NOVA1: variants seen among roughly 807,000 people sequenced by gnomAD.
NOVA1 encodes RNA-binding protein Nova-1.
A neutral mutation model predicts 38.0 loss-of-function variants in NOVA1; 7 were observed. The observed-to-expected ratio is 0.18, with a 90% CI of 0.10 to 0.35. The LOEUF is 0.35. Ranked by LOEUF, NOVA1 falls within the 10% of genes least tolerant of loss-of-function variation. The pLI is 1.00. For missense variants in NOVA1, 460 were observed against 616.0 expected (o/e 0.75, Z 2.68); for synonymous variants, 270 against 232.5 (o/e 1.16, Z -1.47).
rs1594406411 is a variant in NOVA1, at chr14:26,497,731, C to T, written c.281-17588G>A. On this transcript the variant is annotated intron_variant, in intron 2 of 4. Transcript: ENST00000539517. ...ATGCATGGAAAAAGATTCAAATGAACTGATTTCCTGAACTAGTCAAGTAAG... is the reference window on the plus strand; with the variant it reads ...ATGCATGGAAAAAGATTCAAATGAATTGATTTCCTGAACTAGTCAAGTAAG... Among the ~76,000 whole-genome samples, 4 of 152,130 alleles carry T rather than the reference C, an allele frequency of 2.6e-5. No individual in the cohort carries two copies. In the South Asian group the frequency reaches 8.3e-4, roughly 32 times the overall value.
At chr14:26,574,389 T>A (rs928480569) in intron 2 of NOVA1, among the ~76,000 whole-genome samples, 2 of 151,436 alleles carry the variant, frequency 1.3e-5, no homozygotes, top group South Asian at 4.2e-4. Flanking sequence ...ATCATAAAAT[T>A]GGGAAAAATA....
chr14:26,508,485 T>C (rs905616536), intron 2 of NOVA1, among the ~76,000 whole-genome samples: 59 of 151,774 alleles, frequency 3.9e-4, no homozygotes, highest in African/African-American at 1.3e-3. Flanking sequence ...TATGTAGGAA[T>C]AGAACAACCC....
intron 2 of NOVA1, chr14:26,549,730 G>T: frequency 1.6e-6 from 2 of 1,289,084 alleles, no homozygotes; most frequent in South Asian, 2.5e-5. Flanking sequence ...GCACAGTGGA[G>T]AAATACCTTC....
At position 26,480,474 on chromosome 14, in the gene NOVA1, G is replaced by A. The variant is rs1213079374; in HGVS notation, c.281-331C>T. ...AGGGTTAGAAACTGGTAACATGCCAGTAAAGATCTATAAACCCAGTTTTCA... is the reference window on the plus strand; with the variant it reads ...AGGGTTAGAAACTGGTAACATGCCAATAAAGATCTATAAACCCAGTTTTCA... On this transcript the variant is annotated intron_variant, in intron 2 of 4. Coordinates refer to ENST00000539517, the MANE Select transcript of NOVA1 (RefSeq NM_002515.3). Among the ~76,000 whole-genome samples the A allele has an allele frequency of 2.0e-5, 3 of 152,008 alleles. No homozygotes were observed. In the East Asian group the frequency reaches 5.8e-4, roughly 29 times the overall value.
chr14:26,561,200 C>T (rs928908249), intron 2 of NOVA1, among the ~76,000 whole-genome samples: 4 of 152,118 alleles, frequency 2.6e-5, no homozygotes, highest in South Asian at 2.1e-4. Context: ...GCTGTGTGGC[C>T]CAGTTCTTAG....
intron 2 of NOVA1, among the ~76,000 whole-genome samples, chr14:26,591,657 A>T (rs909128145): frequency 6.6e-6 from 1 of 151,618 alleles, no homozygotes; most frequent in African/African-American, 2.4e-5. Context: ...TTTGCAAAAA[A>T]TTATCATAAT....
At chr14:26,566,604 C>T (rs1354907891) in intron 2 of NOVA1, among the ~76,000 whole-genome samples, 1 of 151,830 alleles carries the variant, frequency 6.6e-6, no homozygotes, top group Admixed American at 6.6e-5. Context: ...ATTAGCCTAC[C>T]TCTCAACTAA....
chr14:26,562,921 C>T (rs1023791706), intron 2 of NOVA1, among the ~76,000 whole-genome samples: 1 of 152,154 alleles, frequency 6.6e-6, no homozygotes. Context: ...TGGACAGAAG[C>T]GGTTCCTAAA....
intron 2 of NOVA1, among the ~76,000 whole-genome samples, chr14:26,584,633 C>T (rs1350286414): frequency 2.6e-5 from 4 of 151,318 alleles, no homozygotes; most frequent in African/African-American, 9.7e-5. Flanking sequence ...CAATCAATAC[C>T]AAACTACTTT....
chr14:26,480,620 G>T (rs1314545139), intron 2 of NOVA1, among the ~76,000 whole-genome samples: 1 of 151,854 alleles, frequency 6.6e-6, no homozygotes, highest in African/African-American at 2.4e-5. Flanking sequence ...CACTTACCAC[G>T]CTCTTCCTTT....
intron 2 of NOVA1, among the ~76,000 whole-genome samples, chr14:26,559,538 A>G (rs925855657): frequency 5.3e-5 from 8 of 152,200 alleles, no homozygotes; most frequent in Admixed American, 2.0e-4. Flanking sequence ...CCACATACAC[A>G]TGGAAGTTTA....
chr14:26,476,931 T>A (rs1338268241), intron 3 of NOVA1, among the ~76,000 whole-genome samples: 1 of 151,684 alleles, frequency 6.6e-6, no homozygotes, highest in African/African-American at 2.4e-5. Context: ...GTCAGGCTGG[T>A]CTCAAACTCC....
intron 2 of NOVA1, among the ~76,000 whole-genome samples, chr14:26,587,139 G>T (rs1339070500): frequency 6.6e-6 from 1 of 150,552 alleles, no homozygotes; most frequent in Non-Finnish European, 1.5e-5. Flanking sequence ...TAATCTCTTG[G>T]TACCTTGGTT....
chr14:26,469,572 C>T (rs1696823374), intron 4 of NOVA1, among the ~76,000 whole-genome samples: 1 of 152,082 alleles, frequency 6.6e-6, no homozygotes, highest in Admixed American at 6.6e-5. Flanking sequence ...TATGTCAATC[C>T]TATGAGGCAA....
intron 3 of NOVA1, among the ~76,000 whole-genome samples, chr14:26,476,685 T>C (rs970863534): frequency 1.3e-5 from 2 of 152,096 alleles, no homozygotes; most frequent in African/African-American, 4.8e-5. Flanking sequence ...CTGACCTGTA[T>C]TTCTTTTACA....
intron 2 of NOVA1, among the ~76,000 whole-genome samples, chr14:26,484,250 C>T (rs1460039903): frequency 1.3e-5 from 2 of 151,144 alleles, no homozygotes; most frequent in African/African-American, 2.4e-5. Flanking sequence ...CTGGCTAACA[C>T]GGTGAAACCC....
At chr14:26,491,531 A>G (rs1886347791) in intron 2 of NOVA1, among the ~76,000 whole-genome samples, 1 of 152,162 alleles carries the variant, frequency 6.6e-6, no homozygotes, top group African/African-American at 2.4e-5. Context: ...ATCCAAGGTC[A>G]TGGAGAACTA....
At chr14:26,534,929 GCCTCCAAA>G (rs1889965112) in intron 2 of NOVA1, among the ~76,000 whole-genome samples, 1 of 152,148 alleles carries the variant, frequency 6.6e-6, no homozygotes, top group South Asian at 2.1e-4. Flanking sequence ...CTTCCCTAGT[GCCTCCAAA>G]GGAACCAGAC....
chr14:26,544,460 T>C (rs1474099685), intron 2 of NOVA1, among the ~76,000 whole-genome samples: 4 of 150,074 alleles, frequency 2.7e-5, no homozygotes, highest in Non-Finnish European at 4.4e-5. Flanking sequence ...GTGAGGAGGG[T>C]GAAAACATAA....
Sources: gnomAD v4.1 joint callset for allele counts (sites outside exome capture counted in the v4.1 genomes callset) on GRCh38, gnomAD v4.1.1 for gene constraint, MANE v1.5 for transcripts, NCBI Gene and HGNC (gene_info 2026-07-23, HGNC 2026-07-21) for gene names.